The following DOCK1 variants were observed in gnomAD, a reference collection of about 807,000 sequenced individuals.
DOCK1 encodes the protein dedicator of cytokinesis protein 1.
In DOCK1, 138 loss-of-function variants were observed where a neutral mutation model predicts 262.7. The observed-to-expected ratio is 0.53, with a 90% CI of 0.46 to 0.61. DOCK1 has a LOEUF of 0.61. DOCK1 is among the 20% of genes least tolerant of loss of function. DOCK1 has a pLI of 0.00. For synonymous variants in DOCK1, 866 were observed against 867.4 expected (o/e 1.00, Z 0.03); for missense variants, 1,908 against 2,370.7 (o/e 0.80, Z 4.05).
At chr10:126,913,875 G>A (rs9422854) in intron 1 of DOCK1, among the ~76,000 whole-genome samples, 17,934 of 152,166 alleles carry the variant, frequency 0.12, 1,380 homozygotes, top group Middle Eastern at 0.16. Context: ...GTCTTATTAG[G>A]CATGTCACCT....
intron 29 of DOCK1, among the ~76,000 whole-genome samples, chr10:127,338,326 G>A (rs985031126): frequency 6.6e-6 from 1 of 152,104 alleles, no homozygotes; most frequent in Non-Finnish European, 1.5e-5. Context: ...ACGTGTGATC[G>A]CCCAAATTGT....
chr10:127,335,576 C>G (rs2063154244), intron 29 of DOCK1, among the ~76,000 whole-genome samples: 1 of 150,298 alleles, frequency 6.7e-6, no homozygotes, highest in Non-Finnish European at 1.5e-5. Flanking sequence ...GAGATGGAGT[C>G]TTGCTCTGTC....
chr10:127,265,874 T>G (rs1402522591), intron 29 of DOCK1, among the ~76,000 whole-genome samples: 2 of 152,260 alleles, frequency 1.3e-5, no homozygotes, highest in Non-Finnish European at 2.9e-5. Context: ...TGCCAGTTCC[T>G]TAAGGATAAG....
chr10:127,281,942 C>G (rs1031510293), intron 29 of DOCK1, among the ~76,000 whole-genome samples: 1 of 152,144 alleles, frequency 6.6e-6, no homozygotes, highest in Non-Finnish European at 1.5e-5. Flanking sequence ...GGTGTCCAAT[C>G]TTTTGGCTTC....
At chr10:127,051,863 G>A (rs2044744625) in intron 21 of DOCK1, among the ~76,000 whole-genome samples, 1 of 152,292 alleles carries the variant, frequency 6.6e-6, no homozygotes, top group African/African-American at 2.4e-5. Flanking sequence ...GATTCCAGGT[G>A]TGAGCAAGAG....
At chr10:127,075,593 C>T (rs2046478777) in intron 23 of DOCK1, among the ~76,000 whole-genome samples, 1 of 152,174 alleles carries the variant, frequency 6.6e-6, no homozygotes, top group African/African-American at 2.4e-5. Flanking sequence ...TAGGAGACCT[C>T]AGGAAACTTA....
At chr10:127,056,944 T>C (rs1299550516) in intron 22 of DOCK1, among the ~76,000 whole-genome samples, 2 of 152,176 alleles carry the variant, frequency 1.3e-5, no homozygotes, top group African/African-American at 2.4e-5. Flanking sequence ...AGTCTTCTAG[T>C]AATCCCTCCC....
intron 23 of DOCK1, among the ~76,000 whole-genome samples, chr10:127,102,344 A>G (rs1279431703): frequency 6.6e-6 from 1 of 152,172 alleles, no homozygotes; most frequent in African/African-American, 2.4e-5. Flanking sequence ...ATGTGTCCAT[A>G]GAGCCCAGCA....
chr10:127,301,485 C>T (rs2061677047), intron 29 of DOCK1, among the ~76,000 whole-genome samples: 1 of 152,210 alleles, frequency 6.6e-6, no homozygotes, highest in South Asian at 2.1e-4. Flanking sequence ...AGGGTGTTTA[C>T]AAAACGGCTT....
intron 1 of DOCK1, among the ~76,000 whole-genome samples, chr10:126,939,744 G>A (rs1443904182): frequency 9.2e-5 from 14 of 152,226 alleles, no homozygotes; most frequent in Non-Finnish European, 1.9e-4. Context: ...ATGGGCTGTA[G>A]TTCAGGGAAG....
rs149814392 is a variant in DOCK1, at chr10:126,924,194, A to G, written c.46+18631A>G. Among the ~76,000 whole-genome samples, 1,150 of 118,280 alleles carry G rather than the reference A, an allele frequency of 9.7e-3. 14 individuals are homozygous for G. Among genetic ancestry groups the G allele is most frequent in the African/African-American group, 0.033 (1,099 of 33,376 alleles). The allele number at this position is 118,280 out of a possible 152,430, so 77.6% of individuals were successfully genotyped here. A position where few individuals can be genotyped will look rare whatever the true frequency, so the allele number is the denominator to read the frequency against. On this transcript the variant is annotated intron_variant, in intron 1 of 51. Coordinates refer to ENST00000623213, the MANE Select transcript of DOCK1 (RefSeq NM_001290223.2). ...TGAGTGCTGGAACTGAGCAGGGGGAACTGAATGCTGGAACTGAGCAGGGGG... is the reference window on the plus strand; with the variant it reads ...TGAGTGCTGGAACTGAGCAGGGGGAGCTGAATGCTGGAACTGAGCAGGGGG...
chr10:127,357,817 C>A (rs1036974581), intron 32 of DOCK1, among the ~76,000 whole-genome samples: 20 of 152,178 alleles, frequency 1.3e-4, no homozygotes, highest in African/African-American at 4.8e-4. Context: ...AAAGCACCTG[C>A]AGCCCACAGG....
intron 23 of DOCK1, among the ~76,000 whole-genome samples, chr10:127,078,879 T>C (rs1407687092): frequency 6.6e-6 from 1 of 152,204 alleles, no homozygotes; most frequent in Non-Finnish European, 1.5e-5. Flanking sequence ...TCTGTCTGCC[T>C]TTCCTTGTTC....
rs943492863 is a variant in DOCK1, at chr10:127,255,191, G to A, written c.2950-2144G>A. On this transcript the variant is annotated intron_variant, in intron 28 of 51. Coordinates refer to ENST00000623213, the MANE Select transcript of DOCK1 (RefSeq NM_001290223.2). ...GAGGCAGGAGGATTCCTTGAGCCCA[G>A]GAGTTCAAGACCAGCCTGGGTAATA... Among the ~76,000 whole-genome samples the A allele has an allele frequency of 4.6e-5, 7 of 152,244 alleles. No individual in the cohort carries two copies. The East Asian group carries it at 1.4e-3, about 29-fold the overall frequency.
intron 28 of DOCK1, 58 bp from the exon 29 acceptor site, chr10:127,257,277 G>T: frequency 7.5e-7 from 1 of 1,328,282 alleles, no homozygotes; most frequent in Non-Finnish European, 1.0e-6. Context: ...TGACAGGAGG[G>T]TATCATGTTT....
intron 15 of DOCK1, chr10:127,026,067 A>AAAG: frequency 1.9e-5 from 4 of 209,026 alleles, no homozygotes; most frequent in South Asian, 7.5e-5. Context: ...ATCAAAAAAA[A>AAAG]AAAAAGAAAG....
intron 27 of DOCK1, among the ~76,000 whole-genome samples, chr10:127,238,483 C>T (rs1312187534): frequency 1.3e-5 from 2 of 152,136 alleles, no homozygotes; most frequent in African/African-American, 2.4e-5. Flanking sequence ...TTATCAAGTT[C>T]TCTTCTTCAT....
intron 51 of DOCK1, among the ~76,000 whole-genome samples, chr10:127,448,044 C>G (rs1220587238): frequency 6.6e-6 from 1 of 152,168 alleles, no homozygotes; most frequent in Non-Finnish European, 1.5e-5. Flanking sequence ...CTGGGAGCTC[C>G]TGGGTGGTGA....
chr10:126,951,151 GGTA>G (rs1368910804), intron 1 of DOCK1, among the ~76,000 whole-genome samples: 1 of 151,868 alleles, frequency 6.6e-6, no homozygotes, highest in Admixed American at 6.6e-5. Context: ...GGTTGTTGGT[GGTA>G]GTATTACTGG....
Sources: gnomAD v4.1 joint callset for allele counts (sites outside exome capture counted in the v4.1 genomes callset) on GRCh38, gnomAD v4.1.1 for gene constraint, MANE v1.5 for transcripts, NCBI Gene and HGNC (gene_info 2026-07-23, HGNC 2026-07-21) for gene names.